PRUNE1: variants seen among roughly 807,000 people sequenced by gnomAD.
The protein encoded by PRUNE1 is exopolyphosphatase PRUNE1.
Under a neutral mutation model 42.5 loss-of-function variants are expected in PRUNE1, and 25 were observed. The observed-to-expected ratio is 0.59, with a 90% CI of 0.43 to 0.82. PRUNE1 has a LOEUF of 0.82. Ranked by LOEUF, PRUNE1 falls within the 40% of genes least tolerant of loss-of-function variation. The probability of loss-of-function intolerance (pLI) is 0.00; values close to 1 mark genes in which losing one functional copy is unlikely to be tolerated. For missense variants in PRUNE1, 443 were observed against 539.3 expected, an observed-to-expected ratio of 0.82 and a Z score of 1.77; for synonymous variants, 203 against 217.1, an observed-to-expected ratio of 0.93 and a Z score of 0.57.
At chr1:151,023,502 G>C (rs1017126268) in intron 3 of PRUNE1, among the ~76,000 whole-genome samples, 1 of 151,858 alleles carries the variant, frequency 6.6e-6, no homozygotes, top group East Asian at 1.9e-4. Flanking sequence ...GGCGGATCAC[G>C]AGGTCAGGAG....
Position 151,008,584 on chromosome 1 carries a change from A to G in PRUNE1, c.-49A>G, listed in dbSNP as rs1270751080. 8 of 1,608,728 alleles carry G rather than the reference A, an allele frequency of 5.0e-6. No homozygotes were observed. Among genetic ancestry groups the G allele is most frequent in the Non-Finnish European group, 8.5e-7 (1 of 1,175,254 alleles). On this transcript the variant is annotated 5_prime_UTR_variant, in exon 1 of 8. Transcript: ENST00000271620. ...TCGTCGGGGAAACCTCTCCTCGACC[A>G]GGGGCACCTCTACTCGACCAGGGGC... is the stretch of plus-strand genomic sequence containing the variant.
At chr1:151,027,779 TGTGCGC>T (rs1463909162) in intron 6 of PRUNE1, among the ~76,000 whole-genome samples, 5 of 147,636 alleles carry the variant, frequency 3.4e-5, no homozygotes, top group Non-Finnish European at 6.0e-5. Context: ...TGTGTGTGTG[TGTGCGC>T]GCGCGTGTAT....
intron 7 of PRUNE1, among the ~76,000 whole-genome samples, chr1:151,032,713 C>CAAAA (rs35078895): frequency 7.2e-6 from 1 of 138,304 alleles, no homozygotes; most frequent in South Asian, 2.3e-4. Flanking sequence ...GACTCTGTCT[C>CAAAA]AAAAAAAAAA....
At chr1:151,014,024 G>C (rs954443106) in intron 1 of PRUNE1, among the ~76,000 whole-genome samples, 4 of 151,246 alleles carry the variant, frequency 2.6e-5, no homozygotes, top group African/African-American at 9.8e-5. Flanking sequence ...CGGTCACCCA[G>C]GCTGGAGTGC....
At chr1:151,033,749 C>A in intron 7 of PRUNE1, 57 bp from the exon 8 acceptor site, 1 of 1,516,836 alleles carries the variant, frequency 6.6e-7, no homozygotes, top group Non-Finnish European at 9.1e-7. Context: ...ACTTAGAAGC[C>A]CAGCACTTTG....
rs1571786777 is a variant in PRUNE1 at position 151,020,607 on chromosome 1, T to C, written c.335+1938T>C. ...GTGAGATCCCATCTCTACAAAAAAA[T>C]TTAAAAGCACACAAAAAGTTAGCAA... is the stretch of plus-strand genomic sequence containing the variant. On this transcript the variant is annotated intron_variant, in intron 3 of 7. Transcript: ENST00000271620. 2.0e-5 allele frequency among the ~76,000 whole-genome samples: 3 copies of C among 151,978 alleles called. No individual in the cohort carries two copies. The South Asian group carries it at 6.2e-4, about 32-fold the overall frequency.
chr1:151,022,488 G>C (rs925572672), intron 3 of PRUNE1, among the ~76,000 whole-genome samples: 3 of 150,010 alleles, frequency 2.0e-5, no homozygotes, highest in Non-Finnish European at 4.4e-5. Context: ...GCGCGATCTC[G>C]GCTCACTGCA....
chr1:151,029,459 C>T (rs1018261281), intron 7 of PRUNE1, among the ~76,000 whole-genome samples: 34 of 148,590 alleles, frequency 2.3e-4, no homozygotes, highest in Non-Finnish European at 4.6e-4. Context: ...GCTCTGCCTC[C>T]TGGGTTAACG....
intron 5 of PRUNE1, 72 bp from the exon 6 acceptor site, chr1:151,027,161 C>G (rs1674897459): frequency 9.5e-7 from 1 of 1,052,998 alleles, no homozygotes; most frequent in Admixed American, 1.9e-5. Flanking sequence ...ACCCATCTGG[C>G]TGTCCTTGCC....
chr1:151,010,671 ATTT>A (rs35204921), intron 1 of PRUNE1, among the ~76,000 whole-genome samples: 6 of 135,476 alleles, frequency 4.4e-5, no homozygotes, highest in African/African-American at 5.5e-5. Context: ...AATTGCTTTA[ATTT>A]TTTTTTTTTT....
chr1:151,018,077 G>T (rs587730517), intron 2 of PRUNE1, among the ~76,000 whole-genome samples, 173 bp downstream of exon 2: 1 of 152,150 alleles, frequency 6.6e-6, no homozygotes, highest in Admixed American at 6.6e-5. Flanking sequence ...TTGCAGTGTT[G>T]CTGTGAGGAA....
At position 151,017,895 on chromosome 1, in the gene PRUNE1, C is replaced by T; in HGVS notation, c.123C>T (p.Tyr41=). The change falls in exon 2 of 8, where the codon TAC becomes TAT. Residue 41 remains tyrosine (Y), a synonymous_variant. Coordinates refer to ENST00000271620, the MANE Select transcript of PRUNE1 (RefSeq NM_021222.3). ...STVSALALAF[Y]LAKTTEAEEV... is the part of the protein sequence containing the mutation. The stretch of plus-strand genomic sequence containing the variant: ...TGTCTGCTCTTGCCCTGGCTTTTTA[C>T]CTAGCAAAGGTGGGTAAAAAAACGT... 6.3e-7 allele frequency: 1 copy of T among 1,583,616 alleles called. No individual in the cohort carries two copies. Among genetic ancestry groups the T allele is most frequent in the Non-Finnish European group, 8.7e-7 (1 of 1,152,570 alleles).
intron 5 of PRUNE1, among the ~76,000 whole-genome samples, 192 bp downstream of exon 5, chr1:151,025,865 C>T (rs113629447): frequency 1.4e-4 from 22 of 151,804 alleles, no homozygotes; most frequent in African/African-American, 5.3e-4. Flanking sequence ...CTCAGCCTCC[C>T]GAGTAGCTGG....
intron 5 of PRUNE1, among the ~76,000 whole-genome samples, chr1:151,026,996 G>A (rs1407709060): frequency 6.6e-6 from 1 of 151,946 alleles, no homozygotes; most frequent in Non-Finnish European, 1.5e-5. Flanking sequence ...ATGTTGACCA[G>A]GCTGGTCCCA....
At chr1:151,008,781 T>C (rs1393271034) in intron 1 of PRUNE1, 110 bp downstream of exon 1, 20 of 1,327,502 alleles carry the variant, frequency 1.5e-5, no homozygotes, top group Non-Finnish European at 2.2e-5. Flanking sequence ...AACACTGAGT[T>C]GTGGGGAGGG....
chr1:151,008,843 A>G (rs1433940478), intron 1 of PRUNE1, 172 bp downstream of exon 1: 1 of 830,102 alleles, frequency 1.2e-6, no homozygotes, highest in South Asian at 1.4e-5. Flanking sequence ...GCGAGAAGCC[A>G]GTTTAGGAGC....
intron 5 of PRUNE1, among the ~76,000 whole-genome samples, chr1:151,026,877 C>T (rs1197957587): frequency 1.4e-5 from 2 of 145,958 alleles, no homozygotes; most frequent in African/African-American, 5.1e-5. Flanking sequence ...AGACAGAGTC[C>T]AGGTTCAAGT....
At chr1:151,028,428 G>T (rs1675017187) in intron 6 of PRUNE1, among the ~76,000 whole-genome samples, 1 of 150,988 alleles carries the variant, frequency 6.6e-6, no homozygotes, top group Non-Finnish European at 1.5e-5. Context: ...GTTTTGTTTT[G>T]TTTTTGTTTT....
intron 7 of PRUNE1, among the ~76,000 whole-genome samples, chr1:151,033,540 G>A (rs766793100): frequency 1.3e-4 from 20 of 151,592 alleles, no homozygotes; most frequent in African/African-American, 4.8e-4. Flanking sequence ...ACAGGCACCC[G>A]CCACCATGCC....
Sources: allele counts gnomAD v4.1 joint callset (sites outside exome capture counted in the v4.1 genomes callset), GRCh38; gene constraint gnomAD v4.1.1; transcripts MANE v1.5; gene names NCBI Gene and HGNC (gene_info 2026-07-23, HGNC 2026-07-21).